The following MAP2K5 variants were observed in gnomAD, a reference collection of about 807,000 sequenced individuals.
MAP2K5 encodes the protein dual specificity mitogen-activated protein kinase kinase 5.
In MAP2K5, 49 loss-of-function variants were observed where a neutral mutation model predicts 83.1. The ratio of observed to expected loss-of-function variants is 0.59; its 90% CI spans 0.47 to 0.75. The LOEUF is 0.75. Ranked by LOEUF, MAP2K5 falls within the 30% of genes least tolerant of loss-of-function variation. The probability of loss-of-function intolerance (pLI) is 0.00; values close to 1 mark genes in which losing one functional copy is unlikely to be tolerated. For synonymous variants in MAP2K5, 202 were observed against 191.8 expected, an observed-to-expected ratio of 1.05 and a Z score of -0.44; for missense variants, 457 against 557.5, an observed-to-expected ratio of 0.82 and a Z score of 1.82.
chr15:67,546,578 C>T (rs893185396), intron 1 of MAP2K5: 2 of 985,304 alleles, frequency 2.0e-6, no homozygotes, highest in East Asian at 1.1e-4. Context: ...CTGACCTGAC[C>T]CTCAAAGGTA....
At chr15:67,548,056 T>C (rs1472833811) in intron 1 of MAP2K5, among the ~76,000 whole-genome samples, 2 of 152,364 alleles carry the variant, frequency 1.3e-5, no homozygotes, top group Non-Finnish European at 2.9e-5. Context: ...GTGAGGAGCA[T>C]GTGCAGTGCC....
At position 67,757,036 on chromosome 15, in the gene MAP2K5, T is replaced by C. The variant is rs1260348567; in HGVS notation, c.1134+8435T>C. ...GCAGATATCTCTTCAGGATAGTGAT[T>C]TATTTCCTTTAGATATACACCGAGA... On this transcript the variant is annotated intron_variant, in intron 19 of 21. Transcript: ENST00000178640. The surrounding 1 kb of genome is among the most constrained non-coding windows in gnomAD (Gnocchi z 4.9). Among the ~76,000 whole-genome samples, 1 of 152,186 alleles carries C rather than the reference T, an allele frequency of 6.6e-6. No homozygotes were observed. The highest frequency in any genetic ancestry group is 6.5e-5 in the Admixed American group (1 of 15,290).
intron 13 of MAP2K5, among the ~76,000 whole-genome samples, chr15:67,691,231 CAAGAA>C (rs772867963): frequency 1.3e-5 from 2 of 152,142 alleles, no homozygotes; most frequent in Admixed American, 6.5e-5. Context: ...GTACAGTAGT[CAAGAA>C]AAGAGACAAA....
At chr15:67,560,645 C>T (rs943738369) in intron 2 of MAP2K5, among the ~76,000 whole-genome samples, 1 of 152,224 alleles carries the variant, frequency 6.6e-6, no homozygotes, top group Non-Finnish European at 1.5e-5. Flanking sequence ...CTTCAGTTTT[C>T]TGTCCACTTA....
At chr15:67,745,667 A>G (rs2089589982) in intron 17 of MAP2K5, among the ~76,000 whole-genome samples, 1 of 152,244 alleles carries the variant, frequency 6.6e-6, no homozygotes. Flanking sequence ...TACAGCCTTT[A>G]TGGCAATATA....
At chr15:67,546,697 G>A (rs765851652) in intron 1 of MAP2K5, 1 of 736,944 alleles carries the variant, frequency 1.4e-6, no homozygotes, top group Non-Finnish European at 1.7e-6. Context: ...AGTGTGTGAT[G>A]AGAGAGAATG....
Position 67,562,108 on chromosome 15 carries a change from A to G in MAP2K5, c.185-1175A>G, listed in dbSNP as rs929721288. Among the ~76,000 whole-genome samples, 6 of 152,208 alleles carry G rather than the reference A, an allele frequency of 3.9e-5. No homozygotes were observed. The highest frequency in any genetic ancestry group is 7.2e-5 in the African/African-American group (3 of 41,454). On this transcript the variant is annotated intron_variant, in intron 2 of 21. Coordinates refer to ENST00000178640, the MANE Select transcript of MAP2K5 (RefSeq NM_145160.3). The surrounding 1 kb of genome is among the most constrained non-coding windows in gnomAD (Gnocchi z 4.1). Reference sequence around the variant, plus strand: ...ATTCCGATTGTTAACACCAGAACTGAGGCATCCTGCTGAGAGCCTGCCCCT... The same window carrying G: ...ATTCCGATTGTTAACACCAGAACTGGGGCATCCTGCTGAGAGCCTGCCCCT...
Position 67,772,746 on chromosome 15 carries a change from A to G in MAP2K5, c.1236A>G (p.Glu412=). The stretch of plus-strand genomic sequence containing the variant: ...CAAAAGAAAGGCCAGCACCTGAAGA[A>G]TTGATGGTAAGTGAATGTTTTTAGT... ...KQPKERPAPE[E]LMGHPFIVQF... The change falls in exon 21 of 22, where the codon GAA becomes GAG. Residue 412 remains glutamate, a synonymous_variant. Coordinates refer to ENST00000178640, the MANE Select transcript of MAP2K5 (RefSeq NM_145160.3). 6.2e-7 allele frequency: 1 copy of G among 1,603,146 alleles called. No individual in the cohort carries two copies. The highest frequency in any genetic ancestry group is 8.5e-7 in the Non-Finnish European group (1 of 1,174,504).
chr15:67,604,747 T>C (rs566128010), intron 8 of MAP2K5, among the ~76,000 whole-genome samples: 3 of 151,888 alleles, frequency 2.0e-5, no homozygotes, highest in Admixed American at 6.6e-5. Context: ...ATATAAAAAT[T>C]AGCTGGGCAT....
intron 9 of MAP2K5, among the ~76,000 whole-genome samples, chr15:67,634,195 CAAAAAAT>C (rs1013744979): frequency 2.3e-4 from 34 of 150,538 alleles, no homozygotes; most frequent in African/African-American, 6.6e-4. Flanking sequence ...CCTGTCTCTA[CAAAAAAT>C]AAAAAATAAA....
In MAP2K5 at chr15:67,807,029, C is replaced by T; in HGVS notation, c.*279C>T. 6.9e-6 allele frequency: 9 copies of T among 1,301,902 alleles called. No individual in the cohort carries two copies. In the South Asian group the frequency reaches 1.3e-4, roughly 19 times the overall value. 80.6% of individuals were successfully genotyped at this position (1,301,902 alleles called of 1,614,324 possible). Reference sequence around the variant, plus strand: ...TGGAGGCTCCCAGGGTCCCTGCCCACTTCTGTTTTCCTAATGTTTTTCTCT... The same window carrying T: ...TGGAGGCTCCCAGGGTCCCTGCCCATTTCTGTTTTCCTAATGTTTTTCTCT... On this transcript the variant is annotated 3_prime_UTR_variant, in exon 22 of 22. Transcript: ENST00000178640. The surrounding 1 kb of genome is among the most constrained non-coding windows in gnomAD (Gnocchi z 5.1).
At chr15:67,628,759 T>G (rs1170901396) in intron 8 of MAP2K5, 2 of 761,776 alleles carry the variant, frequency 2.6e-6, no homozygotes, top group Non-Finnish European at 4.8e-6. Flanking sequence ...GAGGTCGAAG[T>G]GGCTCTGGAA....
At chr15:67,589,418 C>A (rs1435981570) in intron 6 of MAP2K5, among the ~76,000 whole-genome samples, 2 of 152,062 alleles carry the variant, frequency 1.3e-5, no homozygotes, top group African/African-American at 4.8e-5. Flanking sequence ...CATGGTGTTC[C>A]TAGGCCATAA....
At position 67,763,114 on chromosome 15, in the gene MAP2K5, G is replaced by A. The variant is rs953891572; in HGVS notation, c.1135-6488G>A. Among the ~76,000 whole-genome samples the A allele has an allele frequency of 3.9e-5, 6 of 152,188 alleles. No individual in the cohort carries two copies. In the South Asian group the frequency reaches 1.0e-3, roughly 26 times the overall value. ...CGGGCTTTCTGTTCTGCAGCTGAGCGGAGTTAGAGGCTTTCTTCTCTGGTA... is the reference window on the plus strand; with the variant it reads ...CGGGCTTTCTGTTCTGCAGCTGAGCAGAGTTAGAGGCTTTCTTCTCTGGTA... On this transcript the variant is annotated intron_variant, in intron 19 of 21. Coordinates refer to ENST00000178640, the MANE Select transcript of MAP2K5 (RefSeq NM_145160.3).
rs532811883 is a variant in MAP2K5 at position 67,668,557 on chromosome 15, G to A, written c.847+3912G>A. Among the ~76,000 whole-genome samples, 11 of 152,112 alleles carry A rather than the reference G, an allele frequency of 7.2e-5. 1 individual carries two copies. In the South Asian group the frequency reaches 1.9e-3, roughly 26 times the overall value. On this transcript the variant is annotated intron_variant, in intron 13 of 21. Transcript: ENST00000178640. The surrounding 1 kb of genome is among the most constrained non-coding windows in gnomAD (Gnocchi z 4.0). Reference sequence around the variant, plus strand: ...GCAGCTTCACTTCAAAACATACATCGCCACTAATGAGGTGAGAGCCCTGCA... The same window carrying A: ...GCAGCTTCACTTCAAAACATACATCACCACTAATGAGGTGAGAGCCCTGCA...
chr15:67,703,029 T>C (rs918273107), intron 15 of MAP2K5, among the ~76,000 whole-genome samples: 1 of 152,204 alleles, frequency 6.6e-6, no homozygotes, highest in Non-Finnish European at 1.5e-5. Flanking sequence ...CATTCACTAC[T>C]TAGGACCTGG....
At chr15:67,548,798 G>A (rs943385377) in intron 1 of MAP2K5, among the ~76,000 whole-genome samples, 1 of 151,912 alleles carries the variant, frequency 6.6e-6, no homozygotes, top group African/African-American at 2.4e-5. Flanking sequence ...TCAAAAAGTT[G>A]ATGTTTCATT....
chr15:67,754,524 A>C (rs117329505), intron 19 of MAP2K5, among the ~76,000 whole-genome samples: 1 of 152,216 alleles, frequency 6.6e-6, no homozygotes, highest in African/African-American at 2.4e-5. Flanking sequence ...TTCATGATCT[A>C]GTGGAAGACA....
chr15:67,597,679 G>C (rs1049884815), intron 7 of MAP2K5, among the ~76,000 whole-genome samples: 1 of 152,096 alleles, frequency 6.6e-6, no homozygotes, highest in Non-Finnish European at 1.5e-5. Context: ...AAATACTACT[G>C]GTTGATTGTA....
Sources: gnomAD v4.1 joint callset for allele counts (sites outside exome capture counted in the v4.1 genomes callset) on GRCh38, gnomAD v4.1.1 for gene constraint, Gnocchi (gnomAD v3.1) non-coding constraint, MANE v1.5 for transcripts, NCBI Gene and HGNC (gene_info 2026-07-23, HGNC 2026-07-21) for gene names.